TMEM87A: variants seen among roughly 807,000 people sequenced by gnomAD.
The protein encoded by TMEM87A is transmembrane protein 87A, also known as Golgi-pH regulating cation channel.
TMEM87A carries 50 observed loss-of-function variants against 90.0 expected under a neutral mutation model. The ratio of observed to expected loss-of-function variants is 0.56; its 90% CI spans 0.44 to 0.70. TMEM87A has a LOEUF of 0.70. TMEM87A is among the 30% of genes least tolerant of loss of function. The pLI, the probability that TMEM87A is intolerant of heterozygous loss-of-function variation, is 0.00. For synonymous variants in TMEM87A, 226 were observed against 226.7 expected (o/e 1.00, Z 0.03); for missense variants, 577 against 660.5 (o/e 0.87, Z 1.39).
intron 1 of TMEM87A, 116 bp from the exon 2 acceptor site, chr15:42,272,239 C>A: frequency 1.5e-6 from 1 of 656,874 alleles, no homozygotes; most frequent in South Asian, 2.2e-5. Context: ...TGGGACGTAC[C>A]CCTTAATCAG....
At chr15:42,268,856 T>C (rs1167348909) in intron 2 of TMEM87A, among the ~76,000 whole-genome samples, 1 of 152,176 alleles carries the variant, frequency 6.6e-6, no homozygotes, top group Admixed American at 6.5e-5. Flanking sequence ...AACTGTTAAA[T>C]GGTGTTAAAT....
intron 16 of TMEM87A, among the ~76,000 whole-genome samples, chr15:42,219,855 T>A (rs1007060369): frequency 2.0e-5 from 3 of 152,188 alleles, no homozygotes; most frequent in African/African-American, 7.2e-5. Flanking sequence ...AATTTTTAGC[T>A]CACTTCTAGC....
chr15:42,237,592 T>C lies in TMEM87A; in HGVS notation c.708A>G (p.Val236=), dbSNP rs767979149. 2 of 1,607,872 alleles carry C rather than the reference T, an allele frequency of 1.2e-6. No homozygotes were observed. Among genetic ancestry groups the C allele is most frequent in the Admixed American group, 1.7e-5 (1 of 59,180 alleles). Reference sequence around the variant, plus strand: ...GCCACAGAACACCAAACAGGACATATACAATACACATCACCATGAAAAACT... The same window carrying C: ...GCCACAGAACACCAAACAGGACATACACAATACACATCACCATGAAAAACT... The part of the protein sequence containing the change: ...LMIFFMVMCI[V]YVLFGVLWLA... Residue 236 remains valine (V), a synonymous_variant, in exon 9 of 20, where the codon GTA becomes GTG. Transcript: ENST00000389834.
At chr15:42,258,676 C>G in intron 6 of TMEM87A, 1 of 1,151,456 alleles carries the variant, frequency 8.7e-7, no homozygotes, top group Non-Finnish European at 1.1e-6. Context: ...ATCTGCCCAC[C>G]TTGGCCTCCC....
At chr15:42,216,718 T>G (rs1022279275) in intron 19 of TMEM87A, among the ~76,000 whole-genome samples, 1 of 152,108 alleles carries the variant, frequency 6.6e-6, no homozygotes, top group Non-Finnish European at 1.5e-5. Context: ...TTTCAACACA[T>G]AGAACAGCTA....
intron 8 of TMEM87A, among the ~76,000 whole-genome samples, chr15:42,238,303 C>T (rs1199683137): frequency 6.6e-6 from 1 of 152,112 alleles, no homozygotes; most frequent in Non-Finnish European, 1.5e-5. Flanking sequence ...CATGGTGGCT[C>T]ATGCCTGTAA....
chr15:42,237,325 A>G lies in TMEM87A; in HGVS notation c.868+107T>C, dbSNP rs971455300. On this transcript the variant is annotated intron_variant, in intron 9 of 19. Transcript: ENST00000389834. ...TTCTGCTTAAGATATTGTAATAATT[A>G]AGTAATTGAAAAGTTAAGCCTATGT... 11 of 1,034,770 alleles carry G rather than the reference A, an allele frequency of 1.1e-5. No homozygotes were observed. In the African/African-American group the frequency reaches 1.6e-4, roughly 15 times the overall value. 64.1% of individuals were successfully genotyped at this position (1,034,770 alleles called of 1,614,324 possible).
At chr15:42,226,494 C>T in intron 15 of TMEM87A, 1 of 304,412 alleles carries the variant, frequency 3.3e-6, no homozygotes, top group South Asian at 6.5e-5. Flanking sequence ...TGAAACCAAA[C>T]TTGCAATTTA....
At chr15:42,231,861 C>T (rs1281352119) in intron 11 of TMEM87A, 11 of 1,275,706 alleles carry the variant, frequency 8.6e-6, no homozygotes, top group African/African-American at 7.6e-5. Context: ...ATAACACAGG[C>T]GTCAATTGCT....
Position 42,244,057 on chromosome 15 carries a change from A to C in TMEM87A, c.615T>G (p.Leu205=). ...AAAAAAAACTGAACTTACTGGTAAA[A>C]AGATTACTCAGTGAATTTTCTTTTG... ...ESSKENSLSN[L]FTMTVEVKGP... is the part of the protein sequence containing the mutation. The change falls in exon 7 of 20, where the codon CTT becomes CTG. Residue 205 remains leucine (L), a synonymous_variant. Coordinates refer to ENST00000389834, the MANE Select transcript of TMEM87A (RefSeq NM_015497.5). The C allele has an allele frequency of 6.4e-7, 1 of 1,558,850 alleles. No homozygotes were observed. The highest frequency in any genetic ancestry group is 8.6e-7 in the Non-Finnish European group (1 of 1,158,648).
At chr15:42,256,486 GAAGA>G (rs1467312755) in intron 6 of TMEM87A, among the ~76,000 whole-genome samples, 7 of 152,108 alleles carry the variant, frequency 4.6e-5, no homozygotes, top group Admixed American at 4.6e-4. Context: ...AAATTTTCAG[GAAGA>G]AAGATCAAAA....
chr15:42,243,300 A>AT (rs2050907493), intron 7 of TMEM87A, among the ~76,000 whole-genome samples: 1 of 111,526 alleles, frequency 9.0e-6, no homozygotes, highest in South Asian at 3.2e-4. Context: ...AAATAAATAA[A>AT]TAAATAAATA....
chr15:42,243,360 GAAGA>G (rs1273114327), intron 7 of TMEM87A, among the ~76,000 whole-genome samples: 1 of 151,124 alleles, frequency 6.6e-6, no homozygotes, highest in Non-Finnish European at 1.5e-5. Context: ...AAAACACAAA[GAAGA>G]AACAAGGGGG....
At chr15:42,220,285 C>T (rs750916147) in intron 15 of TMEM87A, 150 bp from the exon 16 acceptor site, 6 of 607,396 alleles carry the variant, frequency 9.9e-6, no homozygotes, top group Non-Finnish European at 1.7e-5. Flanking sequence ...CTTCAGAAAG[C>T]TCTTTATTGC....
intron 6 of TMEM87A, chr15:42,258,427 T>A: frequency 3.0e-6 from 2 of 663,898 alleles, no homozygotes; most frequent in Non-Finnish European, 3.7e-6. Flanking sequence ...CCAATGAATA[T>A]CTTTTTTCTT....
Position 42,237,473 on chromosome 15 carries a change from A to G in TMEM87A, c.827T>C (p.Phe276Ser). ...IFLGMLEKAV[F>S]YAEFQNIRYK... ...TCGGATATTCTGAAATTCCGCATAG[A>G]AGACAGCTTTCTCAAGCATTCCCAG... The change falls in exon 9 of 20, where the codon TTC becomes TCC. Residue 276 changes from phenylalanine (F) to serine (S), a missense_variant. Transcript: ENST00000389834. 1.2e-6 allele frequency: 2 copies of G among 1,614,080 alleles called. No individual in the cohort carries two copies. The highest frequency in any genetic ancestry group is 2.7e-5 in the African/African-American group (2 of 75,022).
At chr15:42,219,460 C>CA (rs953809043) in intron 17 of TMEM87A, 121 bp downstream of exon 17, 750 of 755,668 alleles carry the variant, frequency 9.9e-4, no homozygotes, top group East Asian at 1.5e-3. Flanking sequence ...GGGTCATATA[C>CA]AAAAAAAAAT....
chr15:42,236,987 A>G (rs934521517), intron 9 of TMEM87A, among the ~76,000 whole-genome samples: 5 of 152,308 alleles, frequency 3.3e-5, no homozygotes, highest in Middle Eastern at 3.4e-3. Context: ...ACCTTACTAA[A>G]CCATAAGCAC....
chr15:42,221,269 GAC>G (rs1374503255), intron 15 of TMEM87A, among the ~76,000 whole-genome samples: 5 of 113,104 alleles, frequency 4.4e-5, no homozygotes, highest in Non-Finnish European at 6.1e-5. Flanking sequence ...GAGAGACAGA[GAC>G]AGAGAGAGAG....
Sources: gnomAD v4.1 joint callset for allele counts (sites outside exome capture counted in the v4.1 genomes callset) on GRCh38, gnomAD v4.1.1 for gene constraint, MANE v1.5 for transcripts, NCBI Gene and HGNC (gene_info 2026-07-23, HGNC 2026-07-21) for gene names.